RILPL2: variants seen among roughly 807,000 people sequenced by gnomAD.
RILPL2 encodes the protein RILP-like protein 2.
Under a neutral mutation model 22.2 loss-of-function variants are expected in RILPL2, and 19 were observed. The ratio of observed to expected loss-of-function variants is 0.86; its 90% confidence interval spans 0.60 to 1.25. The LOEUF is 1.25. Among genes scored for constraint, RILPL2 ranks in the 50% most tolerant of loss-of-function variants. RILPL2 has a pLI of 0.00. For missense variants in RILPL2, 243 were observed against 263.6 expected, an observed-to-expected ratio of 0.92 and a Z score of 0.54; for synonymous variants, 123 against 111.6, an observed-to-expected ratio of 1.10 and a Z score of -0.64.
intron 3 of RILPL2, among the ~76,000 whole-genome samples, chr12:123,421,371 C>T (rs1879277710): frequency 6.6e-6 from 1 of 152,084 alleles, no homozygotes; most frequent in Non-Finnish European, 1.5e-5. Context: ...GGGGAATTAT[C>T]TTTCCCTTTC....
chr12:123,427,731 G>A (rs1170322685), intron 2 of RILPL2, among the ~76,000 whole-genome samples: 1 of 152,048 alleles, frequency 6.6e-6, no homozygotes, highest in Non-Finnish European at 1.5e-5. Context: ...TTTTAATAGA[G>A]ACGGAGTTTC....
At chr12:123,430,250 A>G (rs1297372159) in intron 2 of RILPL2, among the ~76,000 whole-genome samples, 1 of 151,604 alleles carries the variant, frequency 6.6e-6, no homozygotes, top group Non-Finnish European at 1.5e-5. Context: ...TCTACTAAAA[A>G]TACAAAAAAT....
intron 3 of RILPL2, among the ~76,000 whole-genome samples, chr12:123,416,533 G>A (rs1266108766): frequency 2.0e-5 from 3 of 147,258 alleles, no homozygotes; most frequent in Non-Finnish European, 4.5e-5. Context: ...CAGCTGCCTC[G>A]GGAGGCTGAG....
chr12:123,422,909 C>A, intron 3 of RILPL2, 135 bp downstream of exon 3: 1 of 650,642 alleles, frequency 1.5e-6, no homozygotes, highest in East Asian at 2.6e-5. Flanking sequence ...TTGAGTTTTC[C>A]CATGGGCTGC....
chr12:123,428,787 T>C (rs943927422), intron 2 of RILPL2, among the ~76,000 whole-genome samples: 15 of 152,190 alleles, frequency 9.9e-5, no homozygotes, highest in African/African-American at 3.6e-4. Context: ...TCACTGCTAC[T>C]CACAGTCTTG....
At chr12:123,411,214 TG>T (rs1878966036), downstream of RILPL2, 1 of 152,074 alleles carries the variant, frequency 6.6e-6, no homozygotes, top group South Asian at 2.1e-4. Context: ...AGCTAATTTT[TG>T]TATTTTTAGT....
chr12:123,409,312 A>G, the RILPL2 span: 21 of 152,668 alleles, frequency 1.4e-4, no homozygotes, highest in Non-Finnish European at 2.5e-4. Flanking sequence ...ATTATTTGTC[A>G]TCATAAAAAT....
chr12:123,425,070 A>G (rs1879404548), intron 2 of RILPL2, among the ~76,000 whole-genome samples: 1 of 151,506 alleles, frequency 6.6e-6, no homozygotes, highest in African/African-American at 2.4e-5. Flanking sequence ...TAGTAGAGAT[A>G]GGATTTCACT....
At chr12:123,426,528 C>T (rs1371369440) in intron 2 of RILPL2, among the ~76,000 whole-genome samples, 1 of 152,178 alleles carries the variant, frequency 6.6e-6, no homozygotes, top group Non-Finnish European at 1.5e-5. Context: ...TTTCCATGAT[C>T]TATTATTACA....
intron 3 of RILPL2, among the ~76,000 whole-genome samples, chr12:123,417,947 CTTT>C (rs1419592851): frequency 1.3e-5 from 2 of 152,022 alleles, no homozygotes; most frequent in Non-Finnish European, 2.9e-5. Flanking sequence ...CAGGAATGCT[CTTT>C]TGTTTTGGTG....
intron 2 of RILPL2, among the ~76,000 whole-genome samples, chr12:123,430,158 C>CCGGCA (rs1879582047): frequency 6.9e-6 from 1 of 145,484 alleles, no homozygotes; most frequent in Non-Finnish European, 1.5e-5. Flanking sequence ...GCCTGTAATC[C>CCGGCA]CGGCACTTTG....
At chr12:123,426,802 CTG>C (rs1244393316) in intron 2 of RILPL2, among the ~76,000 whole-genome samples, 1 of 151,664 alleles carries the variant, frequency 6.6e-6, no homozygotes, top group African/African-American at 2.4e-5. Context: ...CGGGGTTTCA[CTG>C]TGTTAGCCAG....
downstream of RILPL2, chr12:123,414,296 C>A (rs577369800): frequency 5.1e-4 from 79 of 154,898 alleles, 1 homozygote; most frequent in South Asian, 0.015. Context: ...AAATCGAGCG[C>A]AGCGCCGGTG....
At chr12:123,435,215 T>C (rs990422993) in intron 1 of RILPL2, among the ~76,000 whole-genome samples, 1 of 152,018 alleles carries the variant, frequency 6.6e-6, no homozygotes, top group African/African-American at 2.4e-5. Flanking sequence ...TTCTCTTTAG[T>C]GCCTGGCTTC....
At chr12:123,413,412 C>A (rs1879026960), downstream of RILPL2, 1 of 152,772 alleles carries the variant, frequency 6.5e-6, no homozygotes, top group South Asian at 2.0e-4. Context: ...CGTGATCTCG[C>A]TGGCTCAGGA....
intron 3 of RILPL2, among the ~76,000 whole-genome samples, chr12:123,421,670 C>G (rs2139237292): frequency 6.7e-6 from 1 of 149,498 alleles, no homozygotes; most frequent in East Asian, 2.0e-4. Flanking sequence ...CTGGGTTATT[C>G]CTTTTTTTTT....
rs1225593416 is a variant in RILPL2, at chr12:123,430,531, C to G, written c.468G>C (p.Gln156His). Residue 156 changes from glutamine to histidine, a missense_variant, in exon 2 of 4, where the codon CAG (glutamine) becomes CAC (histidine). Transcript: ENST00000280571. ...ACCTCTTGTAGCACTGCAGCTCTTC[C>G]TGCACCACCAGGAGCTGCGACTTGA... ...NKLKSQLLVVQEELQCYKSGL... is the reference protein window; with the variant it reads ...NKLKSQLLVVHEELQCYKSGL... 6.2e-7 allele frequency: 1 copy of G among 1,608,038 alleles called. No homozygotes were observed. Among genetic ancestry groups the G allele is most frequent in the Non-Finnish European group, 8.5e-7 (1 of 1,176,432 alleles).
Position 123,436,393 on chromosome 12 carries a change from C to T in RILPL2, c.28G>A (p.Glu10Lys), listed in dbSNP as rs560473285. 3.9e-6 allele frequency: 6 copies of T among 1,550,814 alleles called. No homozygotes were observed. The highest frequency in any genetic ancestry group is 2.4e-5 in the East Asian group (1 of 40,950). ...TCGTCCTCCTCTCCCTCCTCCTCTTCCTCTTCTCGCACAGGGGGCTCCTCC... is the reference window on the plus strand; with the variant it reads ...TCGTCCTCCTCTCCCTCCTCCTCTTTCTCTTCTCGCACAGGGGGCTCCTCC... Reference protein sequence around the residue: MEEPPVREEEEEEGEEDEER... With the variant: MEEPPVREEKEEEGEEDEER... The change falls in exon 1 of 4, where the codon GAA (glutamate) becomes AAA (lysine). Residue 10 changes from glutamate (E) to lysine (K), a missense_variant. Physicochemically the swap from Glu to Lys is moderately conservative, Grantham distance 56. Coordinates refer to ENST00000280571, the MANE Select transcript of RILPL2 (RefSeq NM_145058.3). The surrounding 1 kb of genome is among the most constrained non-coding windows in gnomAD (Gnocchi z 6.7).
chr12:123,430,164 C>G (rs1201486513), intron 2 of RILPL2, among the ~76,000 whole-genome samples: 1 of 140,568 alleles, frequency 7.1e-6, no homozygotes, highest in Non-Finnish European at 1.5e-5. Context: ...AATCCCGGCA[C>G]TTTGGGAGGC....
Sources: allele counts gnomAD v4.1 joint callset (sites outside exome capture counted in the v4.1 genomes callset), GRCh38; gene constraint gnomAD v4.1.1; non-coding constraint Gnocchi (gnomAD v3.1); transcripts MANE v1.5; gene names NCBI Gene and HGNC (gene_info 2026-07-23, HGNC 2026-07-21).